Variants in FAM107A observed in about 807,000 individuals in gnomAD.
The protein encoded by FAM107A is actin-associated protein FAM107A.
In FAM107A, 19 loss-of-function variants were observed where a neutral mutation model predicts 13.7. The observed-to-expected ratio is 1.38, with a 90% CI of 0.97 to 2.03. FAM107A has a LOEUF of 2.03. Among genes scored for constraint, FAM107A ranks in the 30% most tolerant of loss-of-function variants. FAM107A has a pLI of 0.00. For missense variants in FAM107A, 203 were observed against 184.4 expected (o/e 1.10, Z -0.58); for synonymous variants, 82 against 74.5 (o/e 1.10, Z -0.52).
intron 1 of FAM107A, among the ~76,000 whole-genome samples, chr3:58,611,288 C>T (rs1405613849): frequency 6.6e-6 from 1 of 152,202 alleles, no homozygotes; most frequent in Non-Finnish European, 1.5e-5. Flanking sequence ...GGGCCCCCAA[C>T]ACCAGCTCCA....
rs903350655 is a variant in FAM107A at position 58,613,035 on chromosome 3, A to G, written c.-70+14381T>C. On this transcript the variant is annotated intron_variant, in intron 1 of 3. Coordinates refer to the FAM107A transcript ENST00000465970. This position sits in a 1 kb window ranked among gnomAD's most constrained non-coding sequence, Gnocchi z 4.6. ...GCTGTCCTTCCCGTTACCTCCTCCA[A>G]TGGGGCTTCAGTCACCACCTCTCTG... Among the ~76,000 whole-genome samples the G allele has an allele frequency of 6.6e-6, 1 of 152,092 alleles. No individual in the cohort carries two copies. The highest frequency in any genetic ancestry group is 1.9e-4 in the East Asian group (1 of 5,174).
chr3:58,615,577 A>C (rs1249076174), intron 1 of FAM107A, among the ~76,000 whole-genome samples: 5 of 152,130 alleles, frequency 3.3e-5, no homozygotes, highest in African/African-American at 1.2e-4. Flanking sequence ...ACTTGGGACC[A>C]AGATGGGGGG....
chr3:58,571,816 T>G (rs2063686830), intron 1 of FAM107A, among the ~76,000 whole-genome samples: 1 of 152,208 alleles, frequency 6.6e-6, no homozygotes, highest in South Asian at 2.1e-4. Flanking sequence ...CACACTTTAA[T>G]AACTACTTTG....
chr3:58,585,723 C>T (rs1009101644), intron 1 of FAM107A, among the ~76,000 whole-genome samples: 1 of 152,214 alleles, frequency 6.6e-6, no homozygotes, highest in Admixed American at 6.5e-5. Flanking sequence ...GACCCCAGCA[C>T]GAGATAGCGT....
At position 58,567,276 on chromosome 3, in the gene FAM107A, GCTC is replaced by G. The variant is rs754436522; in HGVS notation, c.256_258del (p.Glu86del). The stretch of plus-strand genomic sequence containing the variant: ...GGGCACTGCAGCCGCTTGGCTTCCA[GCTC>G]CTCCTTCTTCTTCTTGATGAGCTGG... On this transcript the variant is annotated inframe_deletion, in exon 3 of 4. Transcript: ENST00000360997. 5 of 1,613,934 alleles carry G rather than the reference GCTC, an allele frequency of 3.1e-6. No homozygotes were observed. The highest frequency in any genetic ancestry group is 4.2e-6 in the Non-Finnish European group (5 of 1,179,944).
At chr3:58,578,624 G>T (rs1397785937), upstream of FAM107A, among the ~76,000 whole-genome samples, 11 of 152,154 alleles carry the variant, frequency 7.2e-5, no homozygotes, top group East Asian at 1.7e-3. Flanking sequence ...AATGTATGTA[G>T]ATCCTTAAGG....
chr3:58,597,739 G>T (rs2065720044), intron 1 of FAM107A, among the ~76,000 whole-genome samples: 1 of 152,244 alleles, frequency 6.6e-6, no homozygotes, highest in Non-Finnish European at 1.5e-5. Flanking sequence ...AGTCCTCTGA[G>T]ATTAGGGAAG....
chr3:58,567,062 G>A, intron 3 of FAM107A, 146 bp downstream of exon 3: 1 of 992,804 alleles, frequency 1.0e-6, no homozygotes, highest in South Asian at 1.4e-5. Context: ...AATGGCAGAG[G>A]GAGGACTCAG....
intron 1 of FAM107A, among the ~76,000 whole-genome samples, chr3:58,584,772 C>T (rs532697336): frequency 9.9e-5 from 15 of 152,212 alleles, no homozygotes; most frequent in Non-Finnish European, 1.5e-4. Context: ...AACTTCACTC[C>T]ATCCTCTTCA....
At chr3:58,586,785 G>A in intron 1 of FAM107A, 1 of 1,431,252 alleles carries the variant, frequency 7.0e-7, no homozygotes. Flanking sequence ...GACTGGCCAG[G>A]GACTGAGCGC....
chr3:58,615,077 A>G (rs927236462), intron 1 of FAM107A, among the ~76,000 whole-genome samples: 1 of 152,260 alleles, frequency 6.6e-6, no homozygotes, highest in African/African-American at 2.4e-5. Flanking sequence ...AAGTGCTGAG[A>G]TTACAGGCGT....
At chr3:58,572,808 CAGTGGGTTGGCTG>C (rs2063697299) in intron 1 of FAM107A, 1 of 152,186 alleles carries the variant, frequency 6.6e-6, no homozygotes, top group Admixed American at 6.5e-5. Context: ...GCCGGCCAGC[CAGTGGGTTGGCTG>C]CCCCAGGGCC....
chr3:58,564,603 G>C lies in FAM107A; in HGVS notation c.*1985C>G, dbSNP rs1396563701. On this transcript the variant is annotated 3_prime_UTR_variant, in exon 4 of 4. Transcript: ENST00000360997. This position sits in a 1 kb window ranked among gnomAD's most constrained non-coding sequence, Gnocchi z 5.6. ...TGGAATGACTTGTTGCCTCCATGGA[G>C]CACCTCTGGGGACCACTGGGTGAAT... 2 of 152,276 alleles carry C rather than the reference G, an allele frequency of 1.3e-5. No individual in the cohort carries two copies. The highest frequency in any genetic ancestry group is 1.3e-4 in the Admixed American group (2 of 15,284). The allele number at this position is 152,276 out of a possible 1,614,324, so 9.4% of individuals were successfully genotyped here.
In FAM107A at chr3:58,604,478, C is replaced by A. The variant is rs1301953831; in HGVS notation, c.-69-15209G>T. On this transcript the variant is annotated intron_variant, in intron 1 of 3. Coordinates refer to the FAM107A transcript ENST00000465970. The surrounding 1 kb of genome is among the most constrained non-coding windows in gnomAD (Gnocchi z 4.1). Reference sequence around the variant, plus strand: ...TTATATAAGTGGAGAAACTGAGGCACAGAGCACTGAGGGACTCGCACAGTG... The same window carrying A: ...TTATATAAGTGGAGAAACTGAGGCAAAGAGCACTGAGGGACTCGCACAGTG... 1.3e-5 allele frequency among the ~76,000 whole-genome samples: 2 copies of A among 152,116 alleles called. No homozygotes were observed. The highest frequency in any genetic ancestry group is 2.9e-5 in the Non-Finnish European group (2 of 68,028).
At chr3:58,605,561 C>A (rs145049581) in intron 1 of FAM107A, among the ~76,000 whole-genome samples, 4 of 152,192 alleles carry the variant, frequency 2.6e-5, no homozygotes, top group Non-Finnish European at 5.9e-5. Context: ...GAGGGGCTCA[C>A]CTTGTAAGTT....
At chr3:58,568,447 A>AT (rs1263917065) in intron 2 of FAM107A, among the ~76,000 whole-genome samples, 2 of 152,102 alleles carry the variant, frequency 1.3e-5, no homozygotes, top group Non-Finnish European at 2.9e-5. Flanking sequence ...ACAAAAAAAA[A>AT]GAAAAAAAGA....
At chr3:58,567,537 C>T (rs1291275477) in intron 2 of FAM107A, among the ~76,000 whole-genome samples, 173 bp from the exon 3 acceptor site, 1 of 152,188 alleles carries the variant, frequency 6.6e-6, no homozygotes, top group Non-Finnish European at 1.5e-5. Flanking sequence ...AACTGAGGCT[C>T]CTAGGGCTGA....
chr3:58,580,472 T>A (rs978388074), upstream of FAM107A, among the ~76,000 whole-genome samples: 1 of 147,532 alleles, frequency 6.8e-6, no homozygotes, highest in Non-Finnish European at 1.5e-5. Flanking sequence ...CTGAATGCAG[T>A]GGTGCCATAA....
chr3:58,592,037 T>G (rs571271307), upstream of FAM107A, among the ~76,000 whole-genome samples: 2 of 152,312 alleles, frequency 1.3e-5, no homozygotes, highest in Admixed American at 6.5e-5. Context: ...CAGAATTGCC[T>G]GGGGTCCTGG....
Sources: allele counts gnomAD v4.1 joint callset (sites outside exome capture counted in the v4.1 genomes callset), GRCh38; gene constraint gnomAD v4.1.1; non-coding constraint Gnocchi (gnomAD v3.1); transcripts MANE v1.5; gene names NCBI Gene and HGNC (gene_info 2026-07-23, HGNC 2026-07-21).